The following DMD variants were observed in gnomAD, a reference collection of about 807,000 sequenced individuals.
DMD encodes the protein mutant dystrophin.
Under a neutral mutation model 330.1 loss-of-function variants are expected in DMD, and 63 were observed. That is an observed-to-expected ratio of 0.19 (90% CI 0.16 to 0.24). The LOEUF is 0.24. Among genes scored for constraint, DMD ranks in the 10% least tolerant of loss-of-function variants. The pLI, the probability that DMD is intolerant of heterozygous loss-of-function variation, is 1.00. For missense variants in DMD, 3,344 were observed against 2,684.1 expected, an observed-to-expected ratio of 1.25 and a Z score of -5.43; for synonymous variants, 1,223 against 959.8, an observed-to-expected ratio of 1.27 and a Z score of -5.07.
intron 30 of DMD, among the ~76,000 whole-genome samples, chrX:32,394,482 G>T (rs2098026254): frequency 8.9e-6 from 1 of 112,123 alleles, no homozygotes; most frequent in Admixed American, 9.5e-5. Flanking sequence ...CATTTCTTCA[G>T]TAGTCAACTA....
chrX:31,873,812 T>C (rs1318585505), intron 48 of DMD, among the ~76,000 whole-genome samples: 6 of 111,696 alleles, frequency 5.4e-5, no homozygotes, highest in African/African-American at 1.6e-4. Context: ...TGGTGTTCAA[T>C]TGGCAGGATT....
chrX:32,612,180 G>A (rs2057230221), intron 12 of DMD, among the ~76,000 whole-genome samples: 1 of 111,481 alleles, frequency 9.0e-6, no homozygotes, highest in African/African-American at 3.3e-5. Flanking sequence ...GAAAGACTGT[G>A]GAGAATATAC....
intron 56 of DMD, 117 bp downstream of exon 56, chrX:31,507,164 C>G: frequency 1.4e-6 from 1 of 716,432 alleles, no homozygotes; most frequent in South Asian, 2.3e-5. Flanking sequence ...GTGAATCATT[C>G]TGAAATTGGA....
intron 44 of DMD, among the ~76,000 whole-genome samples, chrX:32,169,193 C>CT (rs1407548562): frequency 8.9e-6 from 1 of 111,824 alleles, no homozygotes; most frequent in Non-Finnish European, 1.9e-5. Context: ...GCAGAGCAGC[C>CT]TATGGGATGG....
chrX:32,974,384 C>T (rs1409780648), intron 2 of DMD, among the ~76,000 whole-genome samples: 3 of 111,009 alleles, frequency 2.7e-5, no homozygotes, highest in African/African-American at 9.8e-5. Flanking sequence ...AGTTGCATAG[C>T]TCTGTGAACA....
Position 31,266,990 on chromosome X carries a change from C to T in DMD, c.9225-5974G>A, listed in dbSNP as rs2051216846. The T allele has an allele frequency of 3.5e-6, 3 of 854,497 alleles. No homozygotes were observed. In the Admixed American group the frequency reaches 1.2e-4, roughly 33 times the overall value. The allele number at this position is 854,497 out of a possible 1,213,427, so 70.4% of individuals were successfully genotyped here. A position where few individuals can be genotyped will look rare whatever the true frequency, so the allele number is the denominator to read the frequency against. The stretch of plus-strand genomic sequence containing the variant: ...GCGCGGGCGGGCCGGGGAGGGGGCG[C>T]TGCGGGCAGACGGGGCGGGGCCGTG... On this transcript the variant is annotated intron_variant, in intron 62 of 78. Transcript: ENST00000357033.
At chrX:32,002,598 T>A (rs1368366399) in intron 44 of DMD, among the ~76,000 whole-genome samples, 2 of 111,427 alleles carry the variant, frequency 1.8e-5, no homozygotes, top group Non-Finnish European at 3.8e-5. Context: ...CACAGCTATG[T>A]CTGGGGTCTT....
chrX:33,046,425 G>T (rs1269265170), intron 1 of DMD, among the ~76,000 whole-genome samples: 2 of 111,686 alleles, frequency 1.8e-5, no homozygotes, highest in Non-Finnish European at 1.9e-5. Context: ...GAATGTAAAT[G>T]TGCTCCCCAA....
At position 31,487,390 on chromosome X, in the gene DMD, A is replaced by C. The variant is rs111304001; in HGVS notation, c.8548-8287T>G. 2.2e-3 allele frequency among the ~76,000 whole-genome samples: 243 copies of C among 110,390 alleles called. 1 individual carries two copies. Among genetic ancestry groups the C allele is most frequent in the African/African-American group, 7.4e-3 (225 of 30,342 alleles). On this transcript the variant is annotated intron_variant, in intron 57 of 78. Coordinates refer to ENST00000357033, the MANE Select transcript of DMD (RefSeq NM_004006.3). ...ATTCTCCTGCCTCAGCCTCCCGAGT[A>C]GCTGGGACTACAGGTGCCTGCTACC...
At chrX:32,665,191 T>C (rs1393680322) in intron 9 of DMD, among the ~76,000 whole-genome samples, 3 of 112,017 alleles carry the variant, frequency 2.7e-5, no homozygotes, top group African/African-American at 9.8e-5. Flanking sequence ...TTGTGATATA[T>C]GCAGAATACA....
At chrX:32,565,950 C>T (rs1381977358) in intron 15 of DMD, 69 bp from the exon 16 acceptor site, 12 of 969,732 alleles carry the variant, frequency 1.2e-5, no homozygotes, top group Non-Finnish European at 1.7e-5. Flanking sequence ...GTTCAATCTG[C>T]TTTTGCGTGT....
chrX:31,391,489 C>T (rs1741658940), intron 60 of DMD, among the ~76,000 whole-genome samples: 1 of 111,808 alleles, frequency 8.9e-6, no homozygotes, highest in South Asian at 3.7e-4. Flanking sequence ...TTCCTTGGCA[C>T]GTCCAAAAAT....
intron 1 of DMD, among the ~76,000 whole-genome samples, chrX:33,321,513 C>G (rs1234531520): frequency 8.9e-6 from 1 of 111,740 alleles, no homozygotes; most frequent in African/African-American, 3.2e-5. Flanking sequence ...CAGATGTGCT[C>G]TCATCCAGGC....
In DMD at chrX:31,371,735, T is replaced by C. The variant is rs745692722; in HGVS notation, c.9085-23101A>G. 4.5e-5 allele frequency among the ~76,000 whole-genome samples: 5 copies of C among 111,594 alleles called. No homozygotes were observed. The South Asian group carries it at 1.9e-3, about 43-fold the overall frequency. Reference sequence around the variant, plus strand: ...ACTTTCCTCATCAGGAGGGAAGCATTTGTTTTGTTTGTTTGGACATACAAG... The same window carrying C: ...ACTTTCCTCATCAGGAGGGAAGCATCTGTTTTGTTTGTTTGGACATACAAG... On this transcript the variant is annotated intron_variant, in intron 60 of 78. Coordinates refer to ENST00000357033, the MANE Select transcript of DMD (RefSeq NM_004006.3).
intron 45 of DMD, among the ~76,000 whole-genome samples, chrX:31,953,482 T>C (rs1447999890): frequency 1.8e-5 from 2 of 112,347 alleles, no homozygotes; most frequent in Non-Finnish European, 3.8e-5. Context: ...CAAATTCATA[T>C]TGTTCATATA....
chrX:31,327,151 A>G (rs747773515), intron 61 of DMD, among the ~76,000 whole-genome samples: 1 of 112,467 alleles, frequency 8.9e-6, no homozygotes, highest in Admixed American at 9.4e-5. Context: ...CAAATCAACC[A>G]TTATCATACG....
chrX:32,767,213 A>T (rs752208340), intron 7 of DMD, among the ~76,000 whole-genome samples: 1 of 111,838 alleles, frequency 8.9e-6, no homozygotes, highest in Non-Finnish European at 1.9e-5. Context: ...CTTTTCCAAA[A>T]AAGTAGCCAT....
intron 57 of DMD, among the ~76,000 whole-genome samples, chrX:31,486,884 A>C (rs1283658585): frequency 8.9e-6 from 1 of 112,075 alleles, no homozygotes; most frequent in Non-Finnish European, 1.9e-5. Flanking sequence ...TCTTTATTTA[A>C]AGAGCCACCA....
At chrX:32,853,778 A>AC in intron 2 of DMD, among the ~76,000 whole-genome samples, 1 of 107,310 alleles carries the variant, frequency 9.3e-6, no homozygotes, top group Non-Finnish European at 1.9e-5. Context: ...AGAAAAAAAA[A>AC]AAAAAAAACA....
Sources: allele counts gnomAD v4.1 joint callset (sites outside exome capture counted in the v4.1 genomes callset), GRCh38; gene constraint gnomAD v4.1.1; transcripts MANE v1.5; gene names NCBI Gene and HGNC (gene_info 2026-07-23, HGNC 2026-07-21).